The following NWD1 variants were observed in gnomAD, a reference collection of about 807,000 sequenced individuals.
The protein encoded by NWD1 is NACHT and WD repeat domain containing 1, also known as NACHT domain- and WD repeat-containing protein 1.
In NWD1, 129 loss-of-function variants were observed where a neutral mutation model predicts 135.1. That is an observed-to-expected ratio of 0.96 (90% confidence interval 0.83 to 1.11). NWD1 has a LOEUF of 1.11. Among genes scored for constraint, NWD1 ranks in the 50% least tolerant of loss-of-function variants. The pLI, the probability that NWD1 is intolerant of heterozygous loss-of-function variation, is 0.00. For missense variants in NWD1, 1,740 were observed against 1,851.3 expected, an observed-to-expected ratio of 0.94 and a Z score of 1.10; for synonymous variants, 773 against 786.0, an observed-to-expected ratio of 0.98 and a Z score of 0.28.
At chr19:16,725,130 C>T (rs1340570262) in intron 2 of NWD1, among the ~76,000 whole-genome samples, 2 of 151,934 alleles carry the variant, frequency 1.3e-5, no homozygotes, top group African/African-American at 2.4e-5. Flanking sequence ...TCCCATGCCT[C>T]AGCCTCTCGA....
intron 3 of NWD1, among the ~76,000 whole-genome samples, chr19:16,733,046 A>G (rs10451503): frequency 0.28 from 42,285 of 151,444 alleles, 6,403 homozygotes; most frequent in African/African-American, 0.38. Context: ...ATATAACAAG[A>G]TCCCGTCTCT....
intron 18 of NWD1, among the ~76,000 whole-genome samples, chr19:16,810,530 G>A (rs1386933965): frequency 3.3e-5 from 5 of 152,040 alleles, no homozygotes; most frequent in Non-Finnish European, 7.4e-5. Context: ...CACTTTGGGA[G>A]GCCGAGGCAG....
chr19:16,723,147 T>C (rs1295910735), intron 1 of NWD1, among the ~76,000 whole-genome samples: 1 of 151,974 alleles, frequency 6.6e-6, no homozygotes, highest in Non-Finnish European at 1.5e-5. Context: ...GATTCTCCCA[T>C]CTCAGCCTCC....
At chr19:16,722,277 C>T (rs1442205458) in intron 1 of NWD1, among the ~76,000 whole-genome samples, 3 of 149,528 alleles carry the variant, frequency 2.0e-5, no homozygotes, top group African/African-American at 7.3e-5. Context: ...CCAGCCTGGG[C>T]GACAGAGCAA....
intron 3 of NWD1, among the ~76,000 whole-genome samples, chr19:16,733,863 GCTC>G (rs1285096565): frequency 6.6e-6 from 1 of 151,926 alleles, no homozygotes; most frequent in Non-Finnish European, 1.5e-5. Flanking sequence ...TTCCTTTCCT[GCTC>G]CTCTAACTCA....
At position 16,773,279 on chromosome 19, in the gene NWD1, C is replaced by T; in HGVS notation, c.2564C>T (p.Pro855Leu). 2 of 1,613,270 alleles carry T rather than the reference C, an allele frequency of 1.2e-6. No individual in the cohort carries two copies. Among genetic ancestry groups the T allele is most frequent in the Non-Finnish European group, 1.7e-6 (2 of 1,179,962 alleles). ...VLVPLGGFLQ[P>L]PGGPLRATLS... ...GTGCCCCTCGGAGGATTCCTCCAGC[C>T]CCCGGGAGGACCCCTCCGGGCAACT... Residue 855 changes from proline to leucine, a missense_variant, in exon 11 of 19, where the codon CCC becomes CTC. Transcript: ENST00000524140.
intron 4 of NWD1, among the ~76,000 whole-genome samples, chr19:16,741,450 C>T (rs1296235948): frequency 6.6e-6 from 1 of 150,720 alleles, no homozygotes; most frequent in African/African-American, 2.4e-5. Context: ...ACTGAAACCT[C>T]CCTCTCCTGG....
At chr19:16,727,758 C>A in intron 2 of NWD1, 1 of 152,910 alleles carries the variant, frequency 6.5e-6, no homozygotes, top group Non-Finnish European at 1.5e-5. Context: ...CTCATGGAGT[C>A]CTTTAAGAGA....
chr19:16,804,864 G>C (rs1970705338), intron 17 of NWD1, among the ~76,000 whole-genome samples: 1 of 151,742 alleles, frequency 6.6e-6, no homozygotes, highest in Non-Finnish European at 1.5e-5. Context: ...TCACTCTACT[G>C]TCTAGGCTGG....
rs952409980 is a variant in NWD1 at position 16,808,553 on chromosome 19, A to G, written c.4287+417A>G. Among the ~76,000 whole-genome samples, 13 of 151,636 alleles carry G rather than the reference A, an allele frequency of 8.6e-5. No individual in the cohort carries two copies. The Admixed American group carries it at 8.6e-4, about 10-fold the overall frequency. On this transcript the variant is annotated intron_variant, in intron 18 of 18. Transcript: ENST00000524140. ...TACAGACACTCCGTTTAAAAAAAAA[A>G]GAAAAGAAAAGAAAAGAAAAGTGAG... is the stretch of plus-strand genomic sequence containing the variant.
At chr19:16,809,036 A>T (rs924052483) in intron 18 of NWD1, among the ~76,000 whole-genome samples, 1 of 152,156 alleles carries the variant, frequency 6.6e-6, no homozygotes. Flanking sequence ...AGCCTGGGTG[A>T]TAGAGCAAGG....
chr19:16,740,272 C>G (rs1197167115), intron 4 of NWD1, among the ~76,000 whole-genome samples: 1 of 151,868 alleles, frequency 6.6e-6, no homozygotes, highest in Non-Finnish European at 1.5e-5. Context: ...GCACTCTGGC[C>G]TGGGTGCCAG....
intron 10 of NWD1, among the ~76,000 whole-genome samples, chr19:16,772,715 G>C (rs1172244468): frequency 6.6e-6 from 1 of 151,968 alleles, no homozygotes. Flanking sequence ...CATGCCTGTA[G>C]TCCCTAGTAT....
intron 4 of NWD1, among the ~76,000 whole-genome samples, chr19:16,742,257 C>G (rs1968116775): frequency 6.6e-6 from 1 of 151,848 alleles, no homozygotes; most frequent in African/African-American, 2.4e-5. Flanking sequence ...CGCCTGTAAT[C>G]CCAGCTACTC....
chr19:16,798,001 A>G, intron 16 of NWD1, 115 bp downstream of exon 16: 5 of 925,406 alleles, frequency 5.4e-6, no homozygotes, highest in Non-Finnish European at 8.4e-6. Flanking sequence ...TGCAGGCAAA[A>G]TAGGTGAGTT....
intron 8 of NWD1, among the ~76,000 whole-genome samples, chr19:16,763,522 T>C (rs1196069214): frequency 6.6e-6 from 1 of 152,164 alleles, no homozygotes; most frequent in Non-Finnish European, 1.5e-5. Context: ...ATGCCATTGT[T>C]TTCTGACACA....
chr19:16,720,539 G>A (rs959889244), intron 1 of NWD1, among the ~76,000 whole-genome samples: 1 of 152,056 alleles, frequency 6.6e-6, no homozygotes, highest in Non-Finnish European at 1.5e-5. Context: ...GCCCCCTAGG[G>A]GACATTGCAA....
intron 4 of NWD1, among the ~76,000 whole-genome samples, chr19:16,739,225 G>T (rs1157688278): frequency 4.0e-5 from 6 of 148,848 alleles, no homozygotes; most frequent in Non-Finnish European, 7.4e-5. Context: ...GACCATGGTG[G>T]CTCATGCCTG....
intron 12 of NWD1, among the ~76,000 whole-genome samples, chr19:16,782,306 A>AT (rs1969883939): frequency 6.7e-6 from 1 of 148,214 alleles, no homozygotes; most frequent in Non-Finnish European, 1.5e-5. Context: ...AAAAAAAAAA[A>AT]GTGTTTTAAA....
Sources: allele counts gnomAD v4.1 joint callset (sites outside exome capture counted in the v4.1 genomes callset), GRCh38; gene constraint gnomAD v4.1.1; transcripts MANE v1.5; gene names NCBI Gene and HGNC (gene_info 2026-07-23, HGNC 2026-07-21).